The following PCDHA10 variants were observed in gnomAD, a reference collection of about 807,000 sequenced individuals.
The protein encoded by PCDHA10 is protocadherin alpha 10, also known as protocadherin alpha-10.
PCDHA10 carries 45 observed loss-of-function variants against 61.2 expected under a neutral mutation model. The ratio of observed to expected loss-of-function variants is 0.74; its 90% CI spans 0.58 to 0.94. The LOEUF (loss-of-function observed/expected upper bound fraction) is 0.94, where lower values mean the gene tolerates loss of function less well. PCDHA10 is among the 40% of genes least tolerant of loss of function. The pLI, the probability that PCDHA10 is intolerant of heterozygous loss-of-function variation, is 0.00. For missense variants in PCDHA10, 1,278 were observed against 1,236.2 expected, an observed-to-expected ratio of 1.03 and a Z score of -0.51; for synonymous variants, 602 against 548.8, an observed-to-expected ratio of 1.10 and a Z score of -1.35.
intron 1 of PCDHA10, among the ~76,000 whole-genome samples, chr5:140,970,923 C>T (rs1009753173): frequency 1.3e-5 from 2 of 152,032 alleles, no homozygotes; most frequent in African/African-American, 4.8e-5. Flanking sequence ...ATCAGAAGTG[C>T]CTGGTGTTAG....
At chr5:140,866,827 AT>A (rs1488157876) in intron 1 of PCDHA10, 1 of 152,132 alleles carries the variant, frequency 6.6e-6, no homozygotes, top group Non-Finnish European at 1.5e-5. Context: ...TCTTCAATTG[AT>A]TTTACAAAAT....
chr5:140,894,574 T>C (rs997238240), intron 1 of PCDHA10, among the ~76,000 whole-genome samples: 2 of 152,002 alleles, frequency 1.3e-5, no homozygotes, highest in African/African-American at 2.4e-5. Context: ...TTTTCCTTTT[T>C]TTTAATATTT....
intron 1 of PCDHA10, among the ~76,000 whole-genome samples, chr5:140,910,954 G>A (rs183183329): frequency 3.4e-4 from 51 of 152,174 alleles, no homozygotes; most frequent in Admixed American, 7.2e-4. Flanking sequence ...CTTTTCGAGT[G>A]TAGCACACCT....
intron 2 of PCDHA10, among the ~76,000 whole-genome samples, chr5:140,980,556 G>A (rs1355966555): frequency 6.6e-6 from 1 of 152,126 alleles, no homozygotes; most frequent in Non-Finnish European, 1.5e-5. Flanking sequence ...CTTGAACCCG[G>A]GAGGCGGAAG....
chr5:140,968,802 C>T, intron 1 of PCDHA10: 1 of 1,614,218 alleles, frequency 6.2e-7, no homozygotes. Flanking sequence ...ATTACAGTAG[C>T]TGTGGTGGAT....
chr5:140,961,135 A>T (rs1554225235), intron 1 of PCDHA10, among the ~76,000 whole-genome samples: 2 of 152,186 alleles, frequency 1.3e-5, no homozygotes, highest in African/African-American at 4.8e-5. Flanking sequence ...TTGGCACTTA[A>T]GAGTTGGCAT....
At chr5:140,952,847 T>C (rs1199940738) in intron 1 of PCDHA10, among the ~76,000 whole-genome samples, 1 of 152,160 alleles carries the variant, frequency 6.6e-6, no homozygotes, top group Middle Eastern at 3.2e-3. Flanking sequence ...TCTGCTTGTC[T>C]TCTGGGGAGG....
At chr5:140,877,990 T>C in intron 1 of PCDHA10, 1 of 1,127,766 alleles carries the variant, frequency 8.9e-7, no homozygotes. Flanking sequence ...TTTTGAACTT[T>C]TATGTATTTG....
chr5:140,864,342 C>A (rs1374000781), intron 1 of PCDHA10: 2 of 152,062 alleles, frequency 1.3e-5, no homozygotes, highest in African/African-American at 4.8e-5. Context: ...GAGTTTAAAA[C>A]ATGTTTAAAT....
intron 1 of PCDHA10, among the ~76,000 whole-genome samples, chr5:140,887,600 G>A (rs1306659335): frequency 6.6e-6 from 1 of 151,812 alleles, no homozygotes; most frequent in African/African-American, 2.4e-5. Context: ...TGATTGTGAT[G>A]TGCTTTAGTA....
In PCDHA10 at chr5:140,985,229, G is replaced by T. The variant is rs903728570; in HGVS notation, c.2536+2666G>T. ...TGGGATTACAGGCGTGAGCCACCGC[G>T]CCTGGCCTAATCTTCTTACTCTTTT... On this transcript the variant is annotated intron_variant, in intron 3 of 3. Transcript: ENST00000307360. 3.9e-5 allele frequency among the ~76,000 whole-genome samples: 6 copies of T among 152,216 alleles called. No homozygotes were observed. The South Asian group carries it at 6.2e-4, about 16-fold the overall frequency.
chr5:140,916,046 C>T (rs2077416983), intron 1 of PCDHA10, among the ~76,000 whole-genome samples: 1 of 152,202 alleles, frequency 6.6e-6, no homozygotes, highest in Admixed American at 6.5e-5. Context: ...TTTCCACAGG[C>T]AGAGGTGCCT....
At chr5:140,976,080 A>G (rs1487401919) in intron 1 of PCDHA10, among the ~76,000 whole-genome samples, 1 of 152,226 alleles carries the variant, frequency 6.6e-6, no homozygotes, top group African/African-American at 2.4e-5. Flanking sequence ...TGTGTCAGAT[A>G]TATCAGTAGT....
At chr5:140,961,313 G>A (rs2095603813) in intron 1 of PCDHA10, among the ~76,000 whole-genome samples, 1 of 152,118 alleles carries the variant, frequency 6.6e-6, no homozygotes, top group Admixed American at 6.5e-5. Flanking sequence ...TGATTTACCA[G>A]GCTCTGTTTC....
chr5:140,893,667 A>C (rs564806011), intron 1 of PCDHA10, among the ~76,000 whole-genome samples: 4 of 152,316 alleles, frequency 2.6e-5, no homozygotes, highest in African/African-American at 9.6e-5. Flanking sequence ...AAAAAATTTC[A>C]GCACTTTGGA....
Position 140,871,457 on chromosome 5 carries a change from G to A in PCDHA10, c.2388+13021G>A, listed in dbSNP as rs1562665046. 8.1e-6 allele frequency: 13 copies of A among 1,605,570 alleles called. No individual in the cohort carries two copies. The highest frequency in any genetic ancestry group is 1.1e-5 in the Non-Finnish European group (13 of 1,175,480). The stretch of plus-strand genomic sequence containing the variant: ...CTAGGTCTGAATAAAGAGGAGGAAG[G>A]GGAAAGACAGGAGCCAGGGTCAAAT... On this transcript the variant is annotated intron_variant, in intron 1 of 3. Transcript: ENST00000307360.
chr5:140,868,967 AC>A, intron 1 of PCDHA10: 1 of 1,435,870 alleles, frequency 7.0e-7, no homozygotes, highest in African/African-American at 1.4e-5. Context: ...ATACAAAGGA[AC>A]TCCATCATAC....
chr5:140,888,494 T>C (rs1554183489), intron 1 of PCDHA10, among the ~76,000 whole-genome samples: 1 of 152,236 alleles, frequency 6.6e-6, no homozygotes, highest in Non-Finnish European at 1.5e-5. Context: ...GAAACTCTGC[T>C]TTAAAGAGTC....
At position 140,896,858 on chromosome 5, in the gene PCDHA10, A is replaced by T. The variant is rs1448787828; in HGVS notation, c.2388+38422A>T. On this transcript the variant is annotated intron_variant, in intron 1 of 3. Coordinates refer to ENST00000307360, the MANE Select transcript of PCDHA10 (RefSeq NM_018901.4). Reference sequence around the variant, plus strand: ...TATTTTTTAATTTTATGGGTACATAATAAGTGTACATATTTATGGGGTATA... The same window carrying T: ...TATTTTTTAATTTTATGGGTACATATTAAGTGTACATATTTATGGGGTATA... Among the ~76,000 whole-genome samples, 3 of 152,310 alleles carry T rather than the reference A, an allele frequency of 2.0e-5. No homozygotes were observed. In the South Asian group the frequency reaches 6.2e-4, roughly 32 times the overall value.
Sources: allele counts gnomAD v4.1 joint callset (sites outside exome capture counted in the v4.1 genomes callset), GRCh38; gene constraint gnomAD v4.1.1; transcripts MANE v1.5; gene names NCBI Gene and HGNC (gene_info 2026-07-23, HGNC 2026-07-21).